GOT1: variants seen among roughly 807,000 people sequenced by gnomAD.
GOT1 encodes the protein aspartate aminotransferase, cytoplasmic.
In GOT1, 25 loss-of-function variants were observed where a neutral mutation model predicts 48.2. That is an observed-to-expected ratio of 0.52 (90% confidence interval 0.38 to 0.72). GOT1 has a LOEUF of 0.72. Ranked by LOEUF, GOT1 falls within the 30% of genes least tolerant of loss-of-function variation. The pLI is 0.00. For missense variants in GOT1, 380 were observed against 520.1 expected (o/e 0.73, Z 2.62); for synonymous variants, 188 against 193.8 (o/e 0.97, Z 0.25).
At chr10:99,419,609 A>C (rs1247443712) in intron 2 of GOT1, among the ~76,000 whole-genome samples, 2 of 152,282 alleles carry the variant, frequency 1.3e-5, no homozygotes, top group Admixed American at 1.3e-4. Context: ...GGAGTATTTA[A>C]AAAATATGCC....
intron 1 of GOT1, among the ~76,000 whole-genome samples, chr10:99,425,549 G>GA (rs2033028175): frequency 2.0e-5 from 3 of 152,278 alleles, no homozygotes; most frequent in African/African-American, 7.2e-5. Flanking sequence ...ATGAGGCCTT[G>GA]AATTCACACA....
chr10:99,403,789 T>C lies in GOT1; in HGVS notation c.728A>G (p.Tyr243Cys). 3.1e-6 allele frequency: 5 copies of C among 1,614,040 alleles called. No homozygotes were observed. Among genetic ancestry groups the C allele is most frequent in the Non-Finnish European group, 3.4e-6 (4 of 1,179,976 alleles). Residue 243 changes from tyrosine (Y) to cysteine (C), a missense_variant, in exon 6 of 9, where the codon TAT becomes TGT. Transcript: ENST00000370508. The part of the protein sequence containing the change: ...NLERDAWAIR[Y>C]FVSEGFEFFC... ...GAACTCGAAGCCTTCAGACACAAAA[T>C]AGCGAATGGCCCAGGCATCTCTCTC...
At chr10:99,420,349 C>CATTAA (rs2032950137) in intron 2 of GOT1, 1 of 352,412 alleles carries the variant, frequency 2.8e-6, no homozygotes. Context: ...TTTATCACTC[C>CATTAA]ATTAAATTCT....
intron 1 of GOT1, among the ~76,000 whole-genome samples, chr10:99,424,886 T>A (rs2033018886): frequency 6.6e-6 from 1 of 152,016 alleles, no homozygotes; most frequent in Non-Finnish European, 1.5e-5. Flanking sequence ...AGCAGTGGGG[T>A]CAGGCATTAA....
chr10:99,406,937 A>T, intron 2 of GOT1, 88 bp from the exon 3 acceptor site: 2 of 1,234,306 alleles, frequency 1.6e-6, no homozygotes, highest in Non-Finnish European at 1.2e-6. Flanking sequence ...CACTTACTCT[A>T]TGCCTGCTCT....
Position 99,402,661 on chromosome 10 carries a change from G to T in GOT1, c.1021C>A (p.Arg341=). 1.2e-6 allele frequency: 2 copies of T among 1,613,318 alleles called. No homozygotes were observed. Among genetic ancestry groups the T allele is most frequent in the Middle Eastern group, 1.7e-4 (1 of 6,058 alleles). ...CCAGGGGTTTTGAGGGCTTCTAGTC[G>T]TGCCCTGAGTTCAGATCTCATGGTC... ...ILTMRSELRA[R]LEALKTPGTW... The change falls in exon 8 of 9, where the codon CGA becomes AGA. Residue 341 remains arginine (R), a synonymous_variant. Transcript: ENST00000370508.
At chr10:99,414,699 C>G (rs1225030880) in intron 2 of GOT1, among the ~76,000 whole-genome samples, 1 of 152,124 alleles carries the variant, frequency 6.6e-6, no homozygotes, top group Non-Finnish European at 1.5e-5. Context: ...AAGTAAAGCA[C>G]TCCTCAGCAA....
intron 2 of GOT1, among the ~76,000 whole-genome samples, chr10:99,408,844 G>A (rs368806891): frequency 6.6e-6 from 1 of 152,046 alleles, no homozygotes; most frequent in Non-Finnish European, 1.5e-5. Flanking sequence ...TCTATAAGTC[G>A]TTTTTTTAAA....
intron 1 of GOT1, among the ~76,000 whole-genome samples, chr10:99,428,356 T>TC (rs1436858629): frequency 1.3e-5 from 2 of 152,032 alleles, no homozygotes; most frequent in Non-Finnish European, 2.9e-5. Context: ...GTTTTTTGTT[T>TC]TTTTTTTTCT....
rs529358325 is a variant in GOT1 at position 99,412,761 on chromosome 10, G to A, written c.301-5912C>T. 3.3e-5 allele frequency among the ~76,000 whole-genome samples: 5 copies of A among 152,228 alleles called. No homozygotes were observed. The South Asian group carries it at 8.3e-4, about 25-fold the overall frequency. ...TCTGAGACGAAACTTCCAGAGGAAC[G>A]ATCAGGCAGCAACATTTGCTGTTCA... On this transcript the variant is annotated intron_variant, in intron 2 of 8. Transcript: ENST00000370508.
At chr10:99,429,504 TAG>T (rs2033087020) in intron 1 of GOT1, among the ~76,000 whole-genome samples, 1 of 152,184 alleles carries the variant, frequency 6.6e-6, no homozygotes, top group Non-Finnish European at 1.5e-5. Flanking sequence ...GTCTATTACC[TAG>T]CATAAGACTT....
At chr10:99,405,520 GACAC>G (rs138777645) in intron 5 of GOT1, among the ~76,000 whole-genome samples, 1,979 of 143,550 alleles carry the variant, frequency 0.014, 25 homozygotes, top group African/African-American at 0.03. Flanking sequence ...CATAAAACTA[GACAC>G]ACACACACAC....
chr10:99,406,703 C>T (rs2032761677), intron 3 of GOT1, 23 bp downstream of exon 3: 2 of 1,608,522 alleles, frequency 1.2e-6, no homozygotes, highest in Admixed American at 1.7e-5. Context: ...TGTTTTTCCT[C>T]TCACTTCAGC....
chr10:99,426,590 T>C (rs1411132980), intron 1 of GOT1, among the ~76,000 whole-genome samples: 1 of 152,228 alleles, frequency 6.6e-6, no homozygotes, highest in African/African-American at 2.4e-5. Flanking sequence ...CTGGAGTCTT[T>C]GAAGAAACTT....
At chr10:99,430,142 C>T (rs1369098953) in intron 1 of GOT1, 3 of 604,372 alleles carry the variant, frequency 5.0e-6, no homozygotes, top group Non-Finnish European at 8.8e-6. Context: ...CTCCGGCAGC[C>T]TCATTTCTTA....
At chr10:99,402,056 C>A (rs1177791967) in intron 8 of GOT1, among the ~76,000 whole-genome samples, 1 of 152,126 alleles carries the variant, frequency 6.6e-6, no homozygotes, top group African/African-American at 2.4e-5. Flanking sequence ...GATCTGCCCA[C>A]CTCAGCCTCC....
At chr10:99,414,418 A>T (rs2032867470) in intron 2 of GOT1, among the ~76,000 whole-genome samples, 1 of 152,226 alleles carries the variant, frequency 6.6e-6, no homozygotes, top group Non-Finnish European at 1.5e-5. Context: ...CACCCAATAC[A>T]GGAGCACCCA....
Position 99,430,599 on chromosome 10 carries a change from A to C in GOT1, c.-34T>G. On this transcript the variant is annotated 5_prime_UTR_variant, in exon 1 of 9. Coordinates refer to ENST00000370508, the MANE Select transcript of GOT1 (RefSeq NM_002079.3). ...ACTAGGAATCAAGAGATTTCACCCC[A>C]CGCCCGGAGCTGGCAGGTCAGGTCT... is the stretch of plus-strand genomic sequence containing the variant. 1 of 1,530,668 alleles carries C rather than the reference A, an allele frequency of 6.5e-7. No homozygotes were observed. Among genetic ancestry groups the C allele is most frequent in the Non-Finnish European group, 8.9e-7 (1 of 1,125,750 alleles). The allele number at this position is 1,530,668 out of a possible 1,614,324, so 94.8% of individuals were successfully genotyped here. A position where few individuals can be genotyped will look rare whatever the true frequency, so the allele number is the denominator to read the frequency against.
Position 99,397,262 on chromosome 10 carries a change from G to A in GOT1, c.*285C>T. 2.9e-6 allele frequency: 1 copy of A among 345,702 alleles called. No individual in the cohort carries two copies. The highest frequency in any genetic ancestry group is 5.1e-5 in the East Asian group (1 of 19,592). The allele number at this position is 345,702 out of a possible 1,614,324, so 21.4% of individuals were successfully genotyped here. ...CCGCCACACACAACACTCCTTTTTA[G>A]TGAGAGGGACAAGATACCTATGTCT... On this transcript the variant is annotated 3_prime_UTR_variant, in exon 9 of 9. Transcript: ENST00000370508. The surrounding 1 kb of genome is among the most constrained non-coding windows in gnomAD (Gnocchi z 5.4).
Sources: gnomAD v4.1 joint callset for allele counts (sites outside exome capture counted in the v4.1 genomes callset) on GRCh38, gnomAD v4.1.1 for gene constraint, Gnocchi (gnomAD v3.1) non-coding constraint, MANE v1.5 for transcripts, NCBI Gene and HGNC (gene_info 2026-07-23, HGNC 2026-07-21) for gene names.